The following TMEM132B variants were observed in gnomAD, a reference collection of about 807,000 sequenced individuals.
TMEM132B encodes transmembrane protein 132B.
TMEM132B carries 18 observed loss-of-function variants against 90.8 expected under a neutral mutation model. That is an observed-to-expected ratio of 0.20 (90% CI 0.14 to 0.29). The LOEUF (loss-of-function observed/expected upper bound fraction) is 0.29. Ranked by LOEUF, TMEM132B falls within the 10% of genes least tolerant of loss-of-function variation. The probability of loss-of-function intolerance (pLI) is 1.00; values close to 1 mark genes in which losing one functional copy is unlikely to be tolerated. For missense variants in TMEM132B, 1,096 were observed against 1,326.8 expected (o/e 0.83, Z 2.70); for synonymous variants, 504 against 523.3 (o/e 0.96, Z 0.50).
intron 1 of TMEM132B, among the ~76,000 whole-genome samples, chr12:125,287,906 C>T (rs1480354235): frequency 1.3e-5 from 2 of 152,034 alleles, no homozygotes; most frequent in African/African-American, 2.4e-5. Context: ...CTCACTCTGT[C>T]GCCCAGGCTG....
intron 1 of TMEM132B, among the ~76,000 whole-genome samples, chr12:125,281,855 C>T (rs1042797367): frequency 3.3e-5 from 5 of 151,462 alleles, no homozygotes; most frequent in Admixed American, 2.0e-4. Context: ...GGTGAAACCC[C>T]GTCTCTACTA....
chr12:125,556,259 C>T (rs990307456), intron 4 of TMEM132B, among the ~76,000 whole-genome samples: 5 of 152,194 alleles, frequency 3.3e-5, no homozygotes, highest in African/African-American at 4.8e-5. Flanking sequence ...CAAGTTCTTT[C>T]GTTATCCTGA....
chr12:125,619,326 ATTTATATT>A (rs1718540908), intron 5 of TMEM132B, among the ~76,000 whole-genome samples: 1 of 140,984 alleles, frequency 7.1e-6, no homozygotes. Context: ...TGTGGCATTT[ATTTATATT>A]TATTTATTTA....
At chr12:125,515,834 TCACA>T (rs62732463) in intron 3 of TMEM132B, among the ~76,000 whole-genome samples, 2 of 151,662 alleles carry the variant, frequency 1.3e-5, no homozygotes, top group Non-Finnish European at 1.5e-5. Context: ...ACACATTCTG[TCACA>T]CACACACCTC....
At chr12:125,280,030 T>C (rs1875114827) in intron 1 of TMEM132B, among the ~76,000 whole-genome samples, 1 of 152,160 alleles carries the variant, frequency 6.6e-6, no homozygotes, top group Admixed American at 6.5e-5. Context: ...ATGAGAAAAC[T>C]GAGACACAGA....
At chr12:125,575,083 T>TATATATATATATATATATATATATATATC (rs61155232) in intron 4 of TMEM132B, among the ~76,000 whole-genome samples, 2 of 114,614 alleles carry the variant, frequency 1.7e-5, no homozygotes, top group Non-Finnish European at 1.9e-5. Flanking sequence ...TATATATATA[T>TATATATATATATATATATATATATATATC]TCAGGAGTAG....
In TMEM132B at chr12:125,455,163, G is replaced by A. The variant is rs75142252; in HGVS notation, c.1106+39486G>A. On this transcript the variant is annotated intron_variant, in intron 3 of 8. Coordinates refer to ENST00000682704, the MANE Select transcript of TMEM132B (RefSeq NM_001366854.1). ...GAGAGGCAACTGCACATTTCAGGAG[G>A]GGGAACAATGGGGTGGAGGAAATGA... Among the ~76,000 whole-genome samples the A allele has an allele frequency of 9.3e-3, 1,407 of 152,090 alleles. 17 individuals carry two copies. The highest frequency in any genetic ancestry group is 0.031 in the African/African-American group (1,300 of 41,448).
Position 125,408,457 on chromosome 12 carries a change from C to T in TMEM132B, c.960-7074C>T, listed in dbSNP as rs1477105359. 1.3e-5 allele frequency among the ~76,000 whole-genome samples: 2 copies of T among 152,306 alleles called. No individual in the cohort carries two copies. Among genetic ancestry groups the T allele is most frequent in the African/African-American group, 4.8e-5 (2 of 41,572 alleles). On this transcript the variant is annotated intron_variant, in intron 2 of 8. Coordinates refer to ENST00000682704, the MANE Select transcript of TMEM132B (RefSeq NM_001366854.1). This position sits in a 1 kb window ranked among gnomAD's most constrained non-coding sequence, Gnocchi z 5.9. ...TCACCCCTTCCACCATGCGAGGACA[C>T]AGCATGACAGCCGCATCTATAAAAA...
intron 1 of TMEM132B, among the ~76,000 whole-genome samples, chr12:125,221,104 T>G (rs1320015376): frequency 6.6e-6 from 1 of 152,254 alleles, no homozygotes; most frequent in African/African-American, 2.4e-5. Flanking sequence ...ACTCATTTCC[T>G]GCTTCATTTG....
intron 2 of TMEM132B, among the ~76,000 whole-genome samples, chr12:125,409,421 CG>C (rs1462443864): frequency 6.6e-6 from 1 of 152,136 alleles, no homozygotes; most frequent in African/African-American, 2.4e-5. Flanking sequence ...AGGAGGCATC[CG>C]GCGGCAGTGC....
chr12:125,451,902 A>G (rs76556549), intron 3 of TMEM132B, among the ~76,000 whole-genome samples: 9,465 of 152,286 alleles, frequency 0.062, 918 homozygotes, highest in African/African-American at 0.21. Flanking sequence ...CTGACTGTCC[A>G]TGTCTGATTC....
intron 4 of TMEM132B, among the ~76,000 whole-genome samples, chr12:125,549,309 T>G (rs1284019258): frequency 1.3e-5 from 2 of 152,254 alleles, no homozygotes; most frequent in Non-Finnish European, 2.9e-5. Context: ...TCGGCTCTGT[T>G]GAACCCACCC....
At chr12:125,413,678 C>T (rs1796106228) in intron 2 of TMEM132B, among the ~76,000 whole-genome samples, 1 of 152,236 alleles carries the variant, frequency 6.6e-6, no homozygotes, top group African/African-American at 2.4e-5. Flanking sequence ...AGAACTTCAT[C>T]CCTTTTTATG....
intron 4 of TMEM132B, among the ~76,000 whole-genome samples, chr12:125,522,623 G>A (rs1883335898): frequency 6.6e-6 from 1 of 152,224 alleles, no homozygotes; most frequent in African/African-American, 2.4e-5. Flanking sequence ...CTGTTCACAA[G>A]TGATGCACTT....
chr12:125,349,607 G>T lies in TMEM132B; in HGVS notation c.223G>T (p.Val75Leu). The part of the protein sequence containing the change: ...LTRNSSLQAR[V>L]EPFFIYRART... ...AAGGAACTCCAGTCTGCAGGCCCGG[G>T]TGGAGCCATTCTTCATCTACCGAGC... The change falls in exon 2 of 9, where the codon GTG becomes TTG. Residue 75 changes from valine (V) to leucine (L), a missense_variant. Val to Leu is a conservative substitution (Grantham distance 32, BLOSUM62 1). Transcript: ENST00000682704. The surrounding 1 kb of genome is among the most constrained non-coding windows in gnomAD (Gnocchi z 4.1). The T allele has an allele frequency of 6.2e-7, 1 of 1,614,112 alleles. No homozygotes were observed. Among genetic ancestry groups the T allele is most frequent in the Non-Finnish European group, 8.5e-7 (1 of 1,180,040 alleles).
chr12:125,263,143 A>T (rs1593060391), intron 1 of TMEM132B, among the ~76,000 whole-genome samples: 1 of 152,182 alleles, frequency 6.6e-6, no homozygotes, highest in African/African-American at 2.4e-5. Context: ...TGGTGGTTTT[A>T]CATCTGTGGG....
chr12:125,377,025 C>A (rs1277173940), intron 2 of TMEM132B, among the ~76,000 whole-genome samples: 2 of 152,198 alleles, frequency 1.3e-5, no homozygotes, highest in African/African-American at 4.8e-5. Flanking sequence ...AAATGCAGAT[C>A]TCTTGGCCAT....
At chr12:125,427,202 G>A (rs1275861249) in intron 3 of TMEM132B, among the ~76,000 whole-genome samples, 1 of 152,178 alleles carries the variant, frequency 6.6e-6, no homozygotes, top group Non-Finnish European at 1.5e-5. Flanking sequence ...GCCTCTTTGA[G>A]CAGTCTATGC....
At chr12:125,602,927 G>A (rs934583968) in intron 5 of TMEM132B, among the ~76,000 whole-genome samples, 3 of 152,104 alleles carry the variant, frequency 2.0e-5, no homozygotes, top group Admixed American at 2.0e-4. Context: ...ACCTCTTCAA[G>A]GAGAACTACA....
Sources: allele counts gnomAD v4.1 joint callset (sites outside exome capture counted in the v4.1 genomes callset), GRCh38; gene constraint gnomAD v4.1.1; non-coding constraint Gnocchi (gnomAD v3.1); transcripts MANE v1.5; gene names NCBI Gene and HGNC (gene_info 2026-07-23, HGNC 2026-07-21).